CSF2RB: variants seen among roughly 807,000 people sequenced by gnomAD.
CSF2RB encodes cytokine receptor common subunit beta.
In CSF2RB, 22 loss-of-function variants were observed where a neutral mutation model predicts 67.2. The ratio of observed to expected loss-of-function variants is 0.33; its 90% CI spans 0.23 to 0.47. The LOEUF (loss-of-function observed/expected upper bound fraction) is 0.47. CSF2RB is among the 20% of genes least tolerant of loss of function. CSF2RB has a pLI of 1.00. For missense variants in CSF2RB, 1,113 were observed against 1,174.5 expected (o/e 0.95, Z 0.76); for synonymous variants, 507 against 482.9 (o/e 1.05, Z -0.65).
chr22:36,923,222 C>A, intron 2 of CSF2RB, 22 bp from the exon 3 acceptor site: 1 of 1,614,070 alleles, frequency 6.2e-7, no homozygotes, highest in Non-Finnish European at 8.5e-7. Context: ...GAGAGGTGAC[C>A]CCCTTCTACC....
Position 36,922,022 on chromosome 22 carries a change from A to C in CSF2RB, c.-172-14A>C. 4.9e-6 allele frequency: 3 copies of C among 617,450 alleles called. No individual in the cohort carries two copies. The highest frequency in any genetic ancestry group is 8.8e-6 in the Non-Finnish European group (3 of 341,356). The allele number at this position is 617,450 out of a possible 1,614,324, so 38.2% of individuals were successfully genotyped here. On this transcript the variant is annotated splice_polypyrimidine_tract_variant and intron_variant, in intron 1 of 13. Transcript: ENST00000403662. ...AGGGGAGGGGCAGCTCACTGCTGAC[A>C]TCTCCTTCTGCAGGCCTGGAGGAGG...
intron 11 of CSF2RB, 90 bp from the exon 12 acceptor site, chr22:36,935,540 T>C: frequency 1.2e-6 from 2 of 1,608,278 alleles, no homozygotes; most frequent in Non-Finnish European, 8.5e-7. Flanking sequence ...GCCGCTCCCT[T>C]CCTGGGCCTC....
intron 1 of CSF2RB, among the ~76,000 whole-genome samples, chr22:36,921,351 T>C (rs1329236571): frequency 6.6e-6 from 1 of 151,264 alleles, no homozygotes; most frequent in East Asian, 1.9e-4. Context: ...GTGTGTGCAT[T>C]TGTGTGTATA....
chr22:36,920,327 A>C (rs1042637733), intron 1 of CSF2RB, among the ~76,000 whole-genome samples: 1 of 152,190 alleles, frequency 6.6e-6, no homozygotes, highest in Non-Finnish European at 1.5e-5. Context: ...AGTGCACCCA[A>C]GTTTATGTTG....
At position 36,936,695 on chromosome 22, in the gene CSF2RB, C is replaced by T. The variant is rs376671736; in HGVS notation, c.1568+43C>T. 3.9e-5 allele frequency: 60 copies of T among 1,525,446 alleles called. No homozygotes were observed. In the African/African-American group the frequency reaches 7.0e-4, roughly 18 times the overall value. The allele number at this position is 1,525,446 out of a possible 1,614,324, so 94.5% of individuals were successfully genotyped here. ...TCACTCCTGACCTTTGGGGTTCATA[C>T]GGGGGGCTGACTCCATTGTGGAAAT... On this transcript the variant is annotated intron_variant, in intron 13 of 13. Transcript: ENST00000403662.
At chr22:36,920,917 G>C (rs1940846980) in intron 1 of CSF2RB, among the ~76,000 whole-genome samples, 1 of 152,182 alleles carries the variant, frequency 6.6e-6, no homozygotes, top group Middle Eastern at 3.4e-3. Context: ...GCTTCACATT[G>C]ATTCCTGATT....
intron 6 of CSF2RB, 149 bp downstream of exon 6, chr22:36,929,956 C>G: frequency 9.2e-7 from 1 of 1,092,642 alleles, no homozygotes. Flanking sequence ...GCCGTCCCAC[C>G]TCTACTGTGA....
chr22:36,923,899 C>A (rs1479104509), intron 3 of CSF2RB: 1 of 724,074 alleles, frequency 1.4e-6, no homozygotes, highest in Non-Finnish European at 2.0e-6. Context: ...TCCGCGCTCT[C>A]CCAGGCCCCC....
At position 36,937,432 on chromosome 22, in the gene CSF2RB, C is replaced by T. The variant is rs1051759840; in HGVS notation, c.1624C>T (p.Pro542Ser). 21 of 1,614,056 alleles carry T rather than the reference C, an allele frequency of 1.3e-5. No individual in the cohort carries two copies. The highest frequency in any genetic ancestry group is 1.8e-5 in the Non-Finnish European group (21 of 1,179,976). The change falls in exon 14 of 14, where the codon CCC (proline) becomes TCC (serine). Residue 542 changes from proline (P) to serine (S), a missense_variant. Physicochemically the swap from Pro to Ser is moderately conservative, Grantham distance 74. Around this residue, in one of 2 missense-constraint regions of CSF2RB, gnomAD observed 554 missense variants for 517.9 expected, o/e 1.07. Transcript: ENST00000403662. The surrounding 1 kb of genome is among the most constrained non-coding windows in gnomAD (Gnocchi z 4.6). ...GGTGTCACCTCTCACCATAGAGGAC[C>T]CCAAGCATGTCTGTGATCCACCATC... The part of the protein sequence containing the change: ...SEVSPLTIED[P>S]KHVCDPPSGP...
At chr22:36,918,337 G>T (rs192321564) in intron 1 of CSF2RB, among the ~76,000 whole-genome samples, 1 of 152,196 alleles carries the variant, frequency 6.6e-6, no homozygotes, top group African/African-American at 2.4e-5. Flanking sequence ...GTATTTTCAA[G>T]ACATCTATTT....
Position 36,932,626 on chromosome 22 carries a change from G to A in CSF2RB, c.1013-139G>A, listed in dbSNP as rs141897029. On this transcript the variant is annotated intron_variant, in intron 8 of 13. Transcript: ENST00000403662. ...GTCAAAACATGATATAGTGAAGTGG[G>A]GATGAAAAGGATCCAACCATGGGCA... 546 of 926,940 alleles carry A rather than the reference G, an allele frequency of 5.9e-4. 2 individuals are homozygous for A. The African/African-American group carries it at 8.2e-3, about 14-fold the overall frequency. 57.4% of individuals were successfully genotyped at this position (926,940 alleles called of 1,614,324 possible).
intron 4 of CSF2RB, 93 bp from the exon 5 acceptor site, chr22:36,929,309 T>C: frequency 6.4e-7 from 1 of 1,569,914 alleles, no homozygotes; most frequent in South Asian, 1.1e-5. Context: ...AGGGGTGGCC[T>C]GGAACCCCCT....
In CSF2RB at chr22:36,937,778, G is replaced by A. The variant is rs1601594857; in HGVS notation, c.1970G>A (p.Arg657Lys). ...GGACAGGCCGTGGAAGTGGAGAGAA[G>A]GCCGAGCCAGGGGGCTGCAGGGAGT... Reference protein sequence around the residue: ...GPGQAVEVERRPSQGAAGSPS... With the variant: ...GPGQAVEVERKPSQGAAGSPS... The change falls in exon 14 of 14, where the codon AGG becomes AAG. Residue 657 changes from arginine to lysine, a missense_variant. Arg to Lys is a conservative substitution (Grantham distance 26, BLOSUM62 2). Transcript: ENST00000403662. This position sits in a 1 kb window ranked among gnomAD's most constrained non-coding sequence, Gnocchi z 4.6. 1.9e-6 allele frequency: 3 copies of A among 1,580,874 alleles called. No homozygotes were observed.
At position 36,922,179 on chromosome 22, in the gene CSF2RB, T is replaced by C. The variant is rs1289228871; in HGVS notation, c.-29T>C. 1 of 1,559,322 alleles carries C rather than the reference T, an allele frequency of 6.4e-7. No homozygotes were observed. Among genetic ancestry groups the C allele is most frequent in the Non-Finnish European group, 8.7e-7 (1 of 1,151,246 alleles). The stretch of plus-strand genomic sequence containing the variant: ...CATGGCCAGCACCCACCAGTGCTGG[T>C]GCCTGCCTGTCCAGAGCTGACCAGG... On this transcript the variant is annotated 5_prime_UTR_variant, in exon 2 of 14. Transcript: ENST00000403662.
At chr22:36,934,068 T>C in intron 10 of CSF2RB, 74 bp downstream of exon 10, 1 of 1,577,358 alleles carries the variant, frequency 6.3e-7, no homozygotes, top group Admixed American at 1.7e-5. Flanking sequence ...AAATCCCCAA[T>C]GCAGCAGCCG....
intron 1 of CSF2RB, among the ~76,000 whole-genome samples, chr22:36,919,028 C>T (rs957757531): frequency 1.3e-5 from 2 of 152,232 alleles, no homozygotes; most frequent in African/African-American, 4.8e-5. Flanking sequence ...GGAAGACATA[C>T]ACAATGTTTC....
chr22:36,930,704 G>A lies in CSF2RB; in HGVS notation c.886G>A (p.Gly296Arg), dbSNP rs1417249107. 3.1e-6 allele frequency: 5 copies of A among 1,613,010 alleles called. No individual in the cohort carries two copies. In the South Asian group the frequency reaches 5.5e-5, roughly 18 times the overall value. Residue 296 changes from glycine to arginine, a missense_variant, in exon 8 of 14, where the codon GGG becomes AGG. By Grantham distance (125) the Gly-to-Arg change is moderately radical. This residue lies in a region of CSF2RB where 559 missense variants were observed against 656.5 expected (regional missense o/e 0.85). Coordinates refer to ENST00000403662, the MANE Select transcript of CSF2RB (RefSeq NM_000395.3). ...AGAGTGCTCCCCAGTGCTGAGGGAG[G>A]GGCTCGGCAGCCTCCACACCAGGCA... ...EEECSPVLRE[G>R]LGSLHTRHHC...
At chr22:36,932,997 C>A in intron 9 of CSF2RB, 93 bp downstream of exon 9, 2 of 1,517,380 alleles carry the variant, frequency 1.3e-6, no homozygotes, top group Non-Finnish European at 9.0e-7. Context: ...GCGTCGGGCC[C>A]TTGGCAGGTG....
intron 3 of CSF2RB, among the ~76,000 whole-genome samples, chr22:36,925,537 C>T (rs569343305): frequency 1.3e-4 from 20 of 152,316 alleles, no homozygotes; most frequent in South Asian, 4.1e-4. Flanking sequence ...CTACTCCCTG[C>T]GCACTGGTTT....
Sources: gnomAD v4.1 joint callset for allele counts (sites outside exome capture counted in the v4.1 genomes callset) on GRCh38, gnomAD v4.1.1 for gene constraint, gnomAD v4.1.1 regional missense constraint, Gnocchi (gnomAD v3.1) non-coding constraint, MANE v1.5 for transcripts, NCBI Gene and HGNC (gene_info 2026-07-23, HGNC 2026-07-21) for gene names.